The following SLC13A2 variants were observed in gnomAD, a reference collection of about 807,000 sequenced individuals.
SLC13A2 encodes solute carrier family 13 member 2, also known as Na(+)-coupled citrate transporter.
In SLC13A2, 40 loss-of-function variants were observed where a neutral mutation model predicts 58.5. The ratio of observed to expected loss-of-function variants is 0.68; its 90% confidence interval spans 0.53 to 0.89. The LOEUF is 0.89. SLC13A2 is among the 40% of genes least tolerant of loss of function. The probability of loss-of-function intolerance (pLI) is 0.00; values close to 1 mark genes in which losing one functional copy is unlikely to be tolerated. For synonymous variants in SLC13A2, 341 were observed against 331.6 expected (o/e 1.03, Z -0.31); for missense variants, 694 against 772.6 (o/e 0.90, Z 1.21).
Position 28,494,369 on chromosome 17 carries a change from T to A in SLC13A2, c.1187-22T>A. 3 of 1,614,164 alleles carry A rather than the reference T, an allele frequency of 1.9e-6. 1 individual carries two copies. In the South Asian group the frequency reaches 3.3e-5, roughly 18 times the overall value. On this transcript the variant is annotated intron_variant, in intron 8 of 11. Transcript: ENST00000314669. This position sits in a 1 kb window ranked among gnomAD's most constrained non-coding sequence, Gnocchi z 4.0. ...GGCCTGTTTGTTCTTTGGTGACCCA[T>A]CCTTCTCTGCTTGGGAAGTAGAAAA... is the stretch of plus-strand genomic sequence containing the variant.
intron 4 of SLC13A2, 38 bp downstream of exon 4, chr17:28,490,944 G>C: frequency 1.3e-6 from 2 of 1,551,136 alleles, no homozygotes; most frequent in East Asian, 2.4e-5. Flanking sequence ...CCAACCCCTT[G>C]GTTCTTGGAG....
chr17:28,490,639 T>C (rs1183401467), intron 3 of SLC13A2, 49 bp downstream of exon 3: 2 of 1,589,006 alleles, frequency 1.3e-6, no homozygotes, highest in East Asian at 4.5e-5. Context: ...GAGGAGATAT[T>C]CTGGGCACCC....
intron 1 of SLC13A2, among the ~76,000 whole-genome samples, chr17:28,488,624 A>G (rs535882437): frequency 6.6e-6 from 1 of 152,244 alleles, no homozygotes; most frequent in East Asian, 1.9e-4. Flanking sequence ...TGCACAACAC[A>G]AGCATCTTGG....
In SLC13A2 at chr17:28,491,738, C is replaced by A; in HGVS notation, c.764C>A (p.Pro255His). 1 of 1,614,130 alleles carries A rather than the reference C, an allele frequency of 6.2e-7. No individual in the cohort carries two copies. The highest frequency in any genetic ancestry group is 8.5e-7 in the Non-Finnish European group (1 of 1,180,000). The change falls in exon 6 of 12, where the codon CCC becomes CAC. Residue 255 changes from proline to histidine, a missense_variant. Pro to His is a moderately conservative substitution (Grantham distance 77). Coordinates refer to ENST00000314669, the MANE Select transcript of SLC13A2 (RefSeq NM_003984.4). ...VLQGQINSLF[P>H]QNGNVVNFAS... Reference sequence around the variant, plus strand: ...CCATGTTCCTCCTTCAGGCTCTTCCCCCAAAACGGCAACGTGGTGAACTTC... The same window carrying A: ...CCATGTTCCTCCTTCAGGCTCTTCCACCAAAACGGCAACGTGGTGAACTTC...
At position 28,494,313 on chromosome 17, in the gene SLC13A2, A is replaced by G. The variant is rs1284044164; in HGVS notation, c.1187-78A>G. ...ACGCGTTAAGCTCCAAAAGGGACCC[A>G]CACAGGGAGCCCGCAAATGGAGAGG... On this transcript the variant is annotated intron_variant, in intron 8 of 11. Coordinates refer to ENST00000314669, the MANE Select transcript of SLC13A2 (RefSeq NM_003984.4). This position sits in a 1 kb window ranked among gnomAD's most constrained non-coding sequence, Gnocchi z 4.0. The G allele has an allele frequency of 1.9e-6, 3 of 1,613,168 alleles. No individual in the cohort carries two copies. The highest frequency in any genetic ancestry group is 2.7e-5 in the African/African-American group (2 of 75,060).
At chr17:28,476,234 A>G (rs1355791934) in intron 1 of SLC13A2, among the ~76,000 whole-genome samples, 1 of 151,972 alleles carries the variant, frequency 6.6e-6, no homozygotes, top group East Asian at 1.9e-4. Flanking sequence ...CCTCGGATCC[A>G]CTGTCTCCCC....
intron 1 of SLC13A2, among the ~76,000 whole-genome samples, chr17:28,483,885 G>A (rs1266668748): frequency 1.3e-5 from 2 of 152,190 alleles, no homozygotes; most frequent in Non-Finnish European, 2.9e-5. Context: ...CATGTGCCCT[G>A]GACATGTGCT....
chr17:28,489,068 C>A, intron 1 of SLC13A2, 146 bp from the exon 2 acceptor site: 2 of 908,644 alleles, frequency 2.2e-6, no homozygotes, highest in Non-Finnish European at 3.3e-6. Context: ...TGAAATGAGA[C>A]CTTGGGCTTG....
intron 1 of SLC13A2, among the ~76,000 whole-genome samples, chr17:28,487,753 G>A (rs1479363898): frequency 6.6e-6 from 1 of 152,076 alleles, no homozygotes; most frequent in Non-Finnish European, 1.5e-5. Flanking sequence ...TCTGTCTGAG[G>A]GTCAAAGTGG....
chr17:28,497,462 G>A lies in SLC13A2; in HGVS notation c.*193G>A, dbSNP rs1017697156. The A allele has an allele frequency of 1.6e-6, 1 of 631,424 alleles. No homozygotes were observed. The highest frequency in any genetic ancestry group is 2.7e-6 in the Non-Finnish European group (1 of 368,806). The allele number at this position is 631,424 out of a possible 1,614,324, so 39.1% of individuals were successfully genotyped here. A position where few individuals can be genotyped will look rare whatever the true frequency, so the allele number is the denominator to read the frequency against. On this transcript the variant is annotated 3_prime_UTR_variant, in exon 12 of 12. Transcript: ENST00000314669. Reference sequence around the variant, plus strand: ...TCCTATGTGCTGGAATAAAAGGTGTGTGCATGTGTGTGTGCGCATATGTGT... The same window carrying A: ...TCCTATGTGCTGGAATAAAAGGTGTATGCATGTGTGTGTGCGCATATGTGT...
chr17:28,490,576 G>A lies in SLC13A2; in HGVS notation c.354G>A (p.Gly118=), dbSNP rs1597885289. ...RIALRVLLIV[G]VRPAPLILGF... ...CCCTCCGTGTCCTCCTCATCGTTGG[G>A]GTGCGGCCTGCCCCGTGAGTTCCTC... is the stretch of plus-strand genomic sequence containing the variant. Residue 118 remains glycine, a synonymous_variant, in exon 3 of 12, where the codon GGG becomes GGA. Transcript: ENST00000314669. 1.9e-6 allele frequency: 3 copies of A among 1,602,070 alleles called. No individual in the cohort carries two copies. The East Asian group carries it at 6.7e-5, about 36-fold the overall frequency.
At chr17:28,481,166 T>C (rs143729773) in intron 1 of SLC13A2, among the ~76,000 whole-genome samples, 2 of 152,314 alleles carry the variant, frequency 1.3e-5, no homozygotes, top group African/African-American at 4.8e-5. Flanking sequence ...AAGGATCAAA[T>C]TCGTAGAGGA....
chr17:28,474,773 T>C (rs766408503), intron 1 of SLC13A2, among the ~76,000 whole-genome samples: 15 of 152,152 alleles, frequency 9.9e-5, no homozygotes, highest in Non-Finnish European at 1.8e-4. Context: ...ATCACACAGC[T>C]GGGAGGTTCA....
chr17:28,487,764 C>T (rs1221928753), intron 1 of SLC13A2, among the ~76,000 whole-genome samples: 10 of 152,168 alleles, frequency 6.6e-5, no homozygotes, highest in African/African-American at 2.4e-4. Flanking sequence ...GTCAAAGTGG[C>T]CCCAATCCTG....
intron 1 of SLC13A2, among the ~76,000 whole-genome samples, chr17:28,484,988 C>A (rs781953453): frequency 6.6e-6 from 1 of 152,066 alleles, no homozygotes. Context: ...ACAGACCAGG[C>A]CAGCACCTGA....
chr17:28,485,499 A>T (rs1247332457), intron 1 of SLC13A2, among the ~76,000 whole-genome samples: 1 of 152,126 alleles, frequency 6.6e-6, no homozygotes, highest in South Asian at 2.1e-4. Flanking sequence ...AATTGGATAT[A>T]CTGTGTGCCT....
intron 1 of SLC13A2, among the ~76,000 whole-genome samples, chr17:28,478,224 C>T (rs1384062295): frequency 1.3e-5 from 2 of 152,154 alleles, no homozygotes; most frequent in African/African-American, 4.8e-5. Flanking sequence ...CCTGAGGCTC[C>T]CTGGGAGGCC....
intron 1 of SLC13A2, among the ~76,000 whole-genome samples, chr17:28,482,188 T>C (rs1052797799): frequency 6.6e-6 from 1 of 151,820 alleles, no homozygotes; most frequent in Admixed American, 6.6e-5. Context: ...CCCAGCTAAG[T>C]TTTTTTGTTT....
intron 1 of SLC13A2, among the ~76,000 whole-genome samples, chr17:28,488,244 G>A (rs376171769): frequency 1.1e-4 from 17 of 152,268 alleles, no homozygotes; most frequent in Admixed American, 6.5e-5. Flanking sequence ...TAGCCTGTAC[G>A]AGGTGGAGAG....
Sources: allele counts gnomAD v4.1 joint callset (sites outside exome capture counted in the v4.1 genomes callset), GRCh38; gene constraint gnomAD v4.1.1; non-coding constraint Gnocchi (gnomAD v3.1); transcripts MANE v1.5; gene names NCBI Gene and HGNC (gene_info 2026-07-23, HGNC 2026-07-21).